Variants in CFP observed in about 807,000 individuals in gnomAD.
CFP encodes the protein properdin.
In CFP, 14 loss-of-function variants were observed where a neutral mutation model predicts 42.1. That is an observed-to-expected ratio of 0.33 (90% CI 0.22 to 0.52). CFP has a LOEUF of 0.52. Ranked by LOEUF, CFP falls within the 20% of genes least tolerant of loss-of-function variation. CFP has a pLI of 0.96. For missense variants in CFP, 318 were observed against 400.4 expected, an observed-to-expected ratio of 0.79 and a Z score of 1.76; for synonymous variants, 149 against 160.6, an observed-to-expected ratio of 0.93 and a Z score of 0.54.
At chrX:47,629,196 A>G (rs897571541) in intron 2 of CFP, 3 of 270,123 alleles carry the variant, frequency 1.1e-5, no homozygotes, top group African/African-American at 8.3e-5. Flanking sequence ...ATCAGGGGTG[A>G]TTTTGACCCC....
chrX:47,628,062 G>A (rs368852761), intron 3 of CFP, 40 bp downstream of exon 3: 5 of 1,198,701 alleles, frequency 4.2e-6, no homozygotes, highest in East Asian at 3.0e-5. Context: ...CCAGTGCTGG[G>A]TGACAGGGAG....
chrX:47,630,056 A>G (rs1017427091), upstream of CFP: 14 of 443,636 alleles, frequency 3.2e-5, no homozygotes, highest in South Asian at 2.3e-4. Flanking sequence ...GTTTGTTACT[A>G]TATCCCCAGC....
At chrX:47,628,548 T>A (rs2057978665) in intron 2 of CFP, 2 of 474,587 alleles carry the variant, frequency 4.2e-6, no homozygotes, top group Non-Finnish European at 7.6e-6. Context: ...TAAGCAAAGG[T>A]AAGGACTAGA....
Position 47,626,946 on chromosome X carries a change from A to C in CFP, c.767T>G (p.Val256Gly). 1.7e-6 allele frequency: 2 copies of C among 1,178,518 alleles called. No homozygotes were observed. The highest frequency in any genetic ancestry group is 2.3e-6 in the Non-Finnish European group (2 of 878,161). ...GCCCCAAGGCCCCCAGCCCCCAGCC[A>C]CTGTTGGAGGAGGAAAGGGAGTGAG... ...RRCTGLPPCP[V>G]AGGWGPWGPV... is the part of the protein sequence containing the mutation. The change falls in exon 6 of 9, where the codon GTG (valine) becomes GGG (glycine). Residue 256 changes from valine (V) to glycine (G), a missense_variant and splice_region_variant. By Grantham distance (109) the Val-to-Gly change is moderately radical (BLOSUM62 -3). Transcript: ENST00000396992.
At chrX:47,629,454 C>T (rs754316891) in intron 2 of CFP, 70 bp downstream of exon 2, 1 of 913,458 alleles carries the variant, frequency 1.1e-6, no homozygotes, top group South Asian at 2.2e-5. Flanking sequence ...AAAGAAAGTG[C>T]CCAGTTTTGG....
intron 2 of CFP, chrX:47,629,273 G>T (rs906701694): frequency 5.4e-6 from 2 of 368,639 alleles, no homozygotes; most frequent in African/African-American, 5.2e-5. Flanking sequence ...AATTGCTACT[G>T]GCATCTAGTG....
chrX:47,623,904 C>A lies in CFP; in HGVS notation c.*371G>T, dbSNP rs1026702771. 6.5e-5 allele frequency: 12 copies of A among 183,613 alleles called. No individual in the cohort carries two copies. Among genetic ancestry groups the A allele is most frequent in the Non-Finnish European group, 1.1e-4 (11 of 98,914 alleles). The allele number at this position is 183,613 out of a possible 1,213,427, so 15.1% of individuals were successfully genotyped here. Reference sequence around the variant, plus strand: ...CGCCGGCCAATCAAGAAGTGCCTGCCAGGACAAGTAGCCAATCAGGAAACC... The same window carrying A: ...CGCCGGCCAATCAAGAAGTGCCTGCAAGGACAAGTAGCCAATCAGGAAACC... On this transcript the variant is annotated 3_prime_UTR_variant, in exon 9 of 9. Coordinates refer to ENST00000396992, the MANE Select transcript of CFP (RefSeq NM_001145252.3).
In CFP at chrX:47,627,155, A is replaced by G; in HGVS notation, c.752T>C (p.Leu251Pro). ...LAYEQRRCTG[L>P]PPCPVAGGWG... is the part of the protein sequence containing the mutation. ...TCCTGGTGTACCTGGGCAGGGTGGC[A>G]GGCCGGTGCACCTCCGCTGCTCGTA... Residue 251 changes from leucine to proline, a missense_variant, in exon 5 of 9, where the codon CTG (leucine) becomes CCG (proline). Coordinates refer to ENST00000396992, the MANE Select transcript of CFP (RefSeq NM_001145252.3). The G allele has an allele frequency of 1.7e-6, 2 of 1,211,696 alleles. No homozygotes were observed. Among genetic ancestry groups the G allele is most frequent in the Non-Finnish European group, 2.2e-6 (2 of 895,324 alleles).
rs141133000 is a variant in CFP, at chrX:47,624,353, C to T, written c.1332G>A (p.Gly444=). ...RPLPRCEELQ[G]QKLVVEEKRP... ...GTTTCTCCTCCACCACCAGCTTCTG[C>T]CCTTGTAGCTCCTCACACCGTGGCA... is the stretch of plus-strand genomic sequence containing the variant. Residue 444 remains glycine, a synonymous_variant, in exon 9 of 9, where the codon GGG becomes GGA. Transcript: ENST00000396992. The T allele has an allele frequency of 1.7e-6, 2 of 1,207,111 alleles. No homozygotes were observed. Among genetic ancestry groups the T allele is most frequent in the Admixed American group, 4.4e-5 (2 of 45,408 alleles).
At position 47,626,097 on chromosome X, in the gene CFP, G is replaced by A; in HGVS notation, c.1205C>T (p.Ala402Val). ...CAAGGGTGTGCAGAGGCGCTGGCGG[G>A]CACGGGTAGGATTAGGTCCACAGGG... Reference protein sequence around the residue: ...MPPCGPNPTRARQRLCTPLLP... With the variant: ...MPPCGPNPTRVRQRLCTPLLP... The change falls in exon 8 of 9, where the codon GCC becomes GTC. Residue 402 changes from alanine to valine, a missense_variant. Transcript: ENST00000396992. 8.5e-7 allele frequency: 1 copy of A among 1,179,197 alleles called. No individual in the cohort carries two copies. The highest frequency in any genetic ancestry group is 1.1e-6 in the Non-Finnish European group (1 of 878,353).
chrX:47,625,801 G>C (rs993156947), intron 8 of CFP: 9 of 414,796 alleles, frequency 2.2e-5, no homozygotes, highest in Non-Finnish European at 3.8e-5. Flanking sequence ...ACTGAAGGTC[G>C]GAGTCAATGA....
rs762231424 is a variant in CFP, at chrX:47,627,248, C to T, written c.659G>A (p.Arg220Gln). 7 of 1,211,016 alleles carry T rather than the reference C, an allele frequency of 5.8e-6. No individual in the cohort carries two copies. Among genetic ancestry groups the T allele is most frequent in the South Asian group, 1.8e-5 (1 of 56,808 alleles). ...CTCAGGTGCAGAACACTTGCGGCTT[C>T]GTGTCTCCTTAGGTTCGTGGGGTCC... ...HGGPHEPKETRSRKCSAPEPS... is the reference protein window; with the variant it reads ...HGGPHEPKETQSRKCSAPEPS... Residue 220 changes from arginine (R) to glutamine (Q), a missense_variant, in exon 5 of 9, where the codon CGA (arginine) becomes CAA (glutamine). Physicochemically the swap from Arg to Gln is conservative, Grantham distance 43. Transcript: ENST00000396992.
In CFP at chrX:47,627,107, C is replaced by G. The variant is rs1407005283; in HGVS notation, c.766+34G>C. 2.5e-6 allele frequency: 3 copies of G among 1,205,473 alleles called. No individual in the cohort carries two copies. In the African/African-American group the frequency reaches 5.2e-5, roughly 21 times the overall value. On this transcript the variant is annotated intron_variant, in intron 5 of 8. Transcript: ENST00000396992. ...CATCTCTGCCCTCAATCAAGAGCCC[C>G]ACCAGCAACATCAGCAGCCTCATCC...
rs371132642 is a variant in CFP at position 47,628,114 on chromosome X, G to C, written c.391C>G (p.Gln131Glu). ...EWQLQACEDQ[Q>E]CCPEMGGWSG... ...TCATCCTCCTCACCAGGACAGCACT[G>C]CTGGTCCTCACAGGCCTGGAGCTGC... Residue 131 changes from glutamine (Q) to glutamate (E), a missense_variant, in exon 3 of 9, where the codon CAG (glutamine) becomes GAG (glutamate). Coordinates refer to ENST00000396992, the MANE Select transcript of CFP (RefSeq NM_001145252.3). 876 of 1,209,679 alleles carry C rather than the reference G, an allele frequency of 7.2e-4. 5 individuals carry two copies. The South Asian group carries it at 0.014, about 20-fold the overall frequency.
chrX:47,625,413 C>A lies in CFP; in HGVS notation c.1244+645G>T, dbSNP rs1028816049. The A allele has an allele frequency of 5.1e-5, 6 of 117,808 alleles. 1 individual carries two copies. The highest frequency in any genetic ancestry group is 4.2e-4 in the Admixed American group (5 of 12,003). The allele number at this position is 117,808 out of a possible 1,213,427, so 9.7% of individuals were successfully genotyped here. A position where few individuals can be genotyped will look rare whatever the true frequency, so the allele number is the denominator to read the frequency against. ...ATTTTAACCCTCTCTAACACCTGGG[C>A]CCCTCTGGCACCTGGAAACACTTAT... On this transcript the variant is annotated intron_variant, in intron 8 of 8. Transcript: ENST00000396992.
chrX:47,626,355 G>A lies in CFP; in HGVS notation c.1105C>T (p.His369Tyr). 8.3e-7 allele frequency: 1 copy of A among 1,211,328 alleles called. No homozygotes were observed. Among genetic ancestry groups the A allele is most frequent in the East Asian group, 3.0e-5 (1 of 33,831 alleles). ...RCAGQQQDIR[H>Y]CYSIQHCPLK... ...GGGCAGTGCTGGATGCTGTAGCAGT[G>A]CCGGATATCCTGCTGTTGCCCGGCA... is the stretch of plus-strand genomic sequence containing the variant. Residue 369 changes from histidine to tyrosine, a missense_variant, in exon 7 of 9, where the codon CAC becomes TAC. By Grantham distance (83) the His-to-Tyr change is moderately conservative (BLOSUM62 2). Transcript: ENST00000396992.
Position 47,626,989 on chromosome X carries a change from T to G in CFP, c.767-43A>C, listed in dbSNP as rs770631549. The G allele has an allele frequency of 2.1e-5, 24 of 1,153,410 alleles. No homozygotes were observed. The African/African-American group carries it at 4.3e-4, about 21-fold the overall frequency. On this transcript the variant is annotated intron_variant, in intron 5 of 8. Coordinates refer to ENST00000396992, the MANE Select transcript of CFP (RefSeq NM_001145252.3). ...GGAGTGAGGAGAAAGGCCTCCTCAA[T>G]CCTTCCTCTCAGCCCCTAGACCCTT... is the stretch of plus-strand genomic sequence containing the variant.
rs2057956096 is a variant in CFP at position 47,623,592 on chromosome X, ACT to A, written c.*681_*682del. 8.9e-6 allele frequency: 1 copy of A among 112,719 alleles called. No individual in the cohort carries two copies. The allele number at this position is 112,719 out of a possible 1,213,427, so 9.3% of individuals were successfully genotyped here. On this transcript the variant is annotated 3_prime_UTR_variant, in exon 9 of 9. Transcript: ENST00000396992. ...TGGGGGCTCCTCCGGGCGGATACTGACTCTAGCTTCTTTGCCCCTCCTCAGCT... is the reference window on the plus strand; with the variant it reads ...TGGGGGCTCCTCCGGGCGGATACTGACTAGCTTCTTTGCCCCTCCTCAGCT...
intron 1 of CFP, 30 bp from the exon 2 acceptor site, chrX:47,629,704 G>A (rs1250216311): frequency 9.0e-7 from 1 of 1,116,638 alleles, no homozygotes; most frequent in South Asian, 1.9e-5. Context: ...TGGGTGGGTG[G>A]GGCTCGGTCA....
Sources: gnomAD v4.1 joint callset for allele counts on GRCh38, gnomAD v4.1.1 for gene constraint, MANE v1.5 for transcripts, NCBI Gene and HGNC (gene_info 2026-07-23, HGNC 2026-07-21) for gene names.